Variants in SRGAP2 observed in about 807,000 individuals in gnomAD.
SRGAP2 encodes the protein SLIT-ROBO Rho GTPase-activating protein 2.
SRGAP2 carries 15 observed loss-of-function variants against 57.2 expected under a neutral mutation model. That is an observed-to-expected ratio of 0.26 (90% CI 0.18 to 0.40). The LOEUF (loss-of-function observed/expected upper bound fraction) is 0.40, where lower values mean the gene tolerates loss of function less well. Ranked by LOEUF, SRGAP2 falls within the 10% of genes least tolerant of loss-of-function variation. The pLI is 1.00. For synonymous variants in SRGAP2, 249 were observed against 248.0 expected, an observed-to-expected ratio of 1.00 and a Z score of -0.04; for missense variants, 520 against 669.6, an observed-to-expected ratio of 0.78 and a Z score of 2.47.
At position 206,363,857 on chromosome 1, in the gene SRGAP2, C is replaced by T. The variant is rs549969185; in HGVS notation, c.424-20157C>T. 7.2e-5 allele frequency among the ~76,000 whole-genome samples: 11 copies of T among 152,278 alleles called. No individual in the cohort carries two copies. The South Asian group carries it at 1.5e-3, about 20-fold the overall frequency. On this transcript the variant is annotated intron_variant, in intron 4 of 22. Transcript: ENST00000573034. ...ACTGACGGTGATAATTTTAATTACT[C>T]GGTGAGGATGGGTGTCCCCTTTGCA...
intron 3 of SRGAP2, among the ~76,000 whole-genome samples, chr1:206,341,697 A>G (rs1388971404): frequency 4.6e-5 from 7 of 152,108 alleles, no homozygotes; most frequent in Non-Finnish European, 8.8e-5. Context: ...CAATGTTTTC[A>G]TTAGAAATGA....
At chr1:206,311,300 G>A (rs1259648784) in intron 3 of SRGAP2, among the ~76,000 whole-genome samples, 4 of 152,132 alleles carry the variant, frequency 2.6e-5, no homozygotes, top group African/African-American at 7.2e-5. Context: ...GACAAGTGTA[G>A]GAAAGACCAT....
intron 2 of SRGAP2, among the ~76,000 whole-genome samples, chr1:206,259,614 G>A (rs1478062912): frequency 1.3e-5 from 2 of 148,906 alleles, no homozygotes; most frequent in African/African-American, 4.9e-5. Flanking sequence ...TGGGATTACA[G>A]GAGTGAGCCA....
At position 206,446,120 on chromosome 1, in the gene SRGAP2, C is replaced by T. The variant is rs1553373636; in HGVS notation, c.1920C>T (p.Leu640=). 1.4e-5 allele frequency: 11 copies of T among 780,838 alleles called. No individual in the cohort carries two copies. Among genetic ancestry groups the T allele is most frequent in the East Asian group, 2.4e-5 (1 of 41,274 alleles). The allele number at this position is 780,838 out of a possible 1,614,324, so 48.4% of individuals were successfully genotyped here. Residue 640 remains leucine, a synonymous_variant, in exon 18 of 23, where the codon CTC becomes CTT. Transcript: ENST00000573034. ...AGAACATGATGGACCCCTACAACCT[C>T]GCCATCTGCTTCGGGCCCTCGCTAA... ...SEENMMDPYN[L]AICFGPSLMS...
intron 3 of SRGAP2, among the ~76,000 whole-genome samples, chr1:206,331,393 A>T (rs1674341646): frequency 2.6e-5 from 1 of 38,858 alleles, no homozygotes; most frequent in Non-Finnish European, 4.5e-5. Flanking sequence ...GATCTGTCTA[A>T]TGTTGACAGT....
At chr1:206,439,437 G>A (rs782783961) in intron 16 of SRGAP2, among the ~76,000 whole-genome samples, 6 of 152,036 alleles carry the variant, frequency 3.9e-5, no homozygotes, top group Admixed American at 2.6e-4. Context: ...GGATGAGATG[G>A]CATGTGTGGA....
chr1:206,366,007 C>T (rs1378083020), intron 4 of SRGAP2, among the ~76,000 whole-genome samples: 3 of 152,160 alleles, frequency 2.0e-5, no homozygotes, highest in Non-Finnish European at 2.9e-5. Flanking sequence ...AGAAACAGTA[C>T]TGATGAGTCC....
intron 13 of SRGAP2, among the ~76,000 whole-genome samples, chr1:206,421,509 C>T (rs1033665746): frequency 6.6e-6 from 1 of 152,210 alleles, no homozygotes; most frequent in Non-Finnish European, 1.5e-5. Flanking sequence ...TATCCTCTTG[C>T]ATACTAGGGG....
intron 11 of SRGAP2, among the ~76,000 whole-genome samples, chr1:206,418,910 G>GTA (rs2103235047): frequency 6.6e-6 from 1 of 151,706 alleles, no homozygotes; most frequent in East Asian, 1.9e-4. Flanking sequence ...GTGTGTGTGT[G>GTA]TGTGTGTGTG....
chr1:206,370,403 G>C (rs1165780246), intron 4 of SRGAP2, among the ~76,000 whole-genome samples: 4 of 152,294 alleles, frequency 2.6e-5, no homozygotes, highest in Non-Finnish European at 5.9e-5. Flanking sequence ...CCATACAATA[G>C]AGTAGTATTT....
chr1:206,284,706 C>G (rs1670924035), intron 2 of SRGAP2, among the ~76,000 whole-genome samples: 4 of 152,160 alleles, frequency 2.6e-5, no homozygotes, highest in Non-Finnish European at 5.9e-5. Context: ...GCTTCGGCCT[C>G]CCAAAGTGCT....
chr1:206,220,926 A>T (rs1666947818), intron 2 of SRGAP2, among the ~76,000 whole-genome samples: 1 of 145,782 alleles, frequency 6.9e-6, no homozygotes, highest in African/African-American at 2.6e-5. Context: ...CCATTTATTT[A>T]GCACCTACTG....
In SRGAP2 at chr1:206,463,763, G is replaced by A. The variant is rs1274969934; in HGVS notation, c.*2343G>A. ...CTAACACCTGTGAGATGGTCCTGTC[G>A]AGAGGACTAGGAACCGATAGGAGGA... On this transcript the variant is annotated 3_prime_UTR_variant, in exon 23 of 23. Transcript: ENST00000573034. 6 of 152,722 alleles carry A rather than the reference G, an allele frequency of 3.9e-5. No individual in the cohort carries two copies. Among genetic ancestry groups the A allele is most frequent in the South Asian group, 2.1e-4 (1 of 4,830 alleles). The allele number at this position is 152,722 out of a possible 1,614,324, so 9.5% of individuals were successfully genotyped here.
intron 7 of SRGAP2, among the ~76,000 whole-genome samples, chr1:206,399,825 C>T (rs1383269524): frequency 4.6e-5 from 7 of 152,286 alleles, no homozygotes; most frequent in South Asian, 2.1e-4. Context: ...AGCCCATGCC[C>T]GTGCAGAGTC....
chr1:206,344,734 A>G (rs1553336460), intron 4 of SRGAP2, among the ~76,000 whole-genome samples: 1 of 150,380 alleles, frequency 6.6e-6, no homozygotes, highest in Non-Finnish European at 1.5e-5. Flanking sequence ...CAGATCTCAG[A>G]GATGCTTATA....
intron 7 of SRGAP2, among the ~76,000 whole-genome samples, chr1:206,397,656 G>A (rs1315808745): frequency 6.8e-6 from 1 of 146,420 alleles, no homozygotes; most frequent in African/African-American, 2.7e-5. Flanking sequence ...CCAAAAAGAC[G>A]TTCTGAGCTC....
intron 14 of SRGAP2, among the ~76,000 whole-genome samples, chr1:206,431,068 G>A (rs934648277): frequency 4.6e-5 from 7 of 152,170 alleles, no homozygotes; most frequent in African/African-American, 1.7e-4. Context: ...TAAATTCAGA[G>A]GCAGCTATTC....
At chr1:206,418,766 C>T (rs1659985905) in intron 11 of SRGAP2, among the ~76,000 whole-genome samples, 1 of 152,098 alleles carries the variant, frequency 6.6e-6, no homozygotes, top group Non-Finnish European at 1.5e-5. Flanking sequence ...TCTCCCATCT[C>T]CCTTGCCACC....
chr1:206,375,664 GAGGGCCGTT>G (rs1655129389), intron 4 of SRGAP2, among the ~76,000 whole-genome samples: 1 of 152,132 alleles, frequency 6.6e-6, no homozygotes, highest in African/African-American at 2.4e-5. Flanking sequence ...TGGGAGAGCA[GAGGGCCGTT>G]AGCCTCTTCC....
Sources: allele counts gnomAD v4.1 joint callset (sites outside exome capture counted in the v4.1 genomes callset), GRCh38; gene constraint gnomAD v4.1.1; transcripts MANE v1.5; gene names NCBI Gene and HGNC (gene_info 2026-07-23, HGNC 2026-07-21).